Variants in CLCN6 observed in about 807,000 individuals in gnomAD.
The protein encoded by CLCN6 is H(+)/Cl(-) exchange transporter 6.
Under a neutral mutation model 109.8 loss-of-function variants are expected in CLCN6, and 70 were observed. That is an observed-to-expected ratio of 0.64 (90% CI 0.53 to 0.78). The LOEUF (loss-of-function observed/expected upper bound fraction) is 0.78, where lower values mean the gene tolerates loss of function less well. Among genes scored for constraint, CLCN6 ranks in the 30% least tolerant of loss-of-function variants. CLCN6 has a pLI of 0.00. For missense variants in CLCN6, 984 were observed against 1,142.3 expected (o/e 0.86, Z 2.00); for synonymous variants, 444 against 447.8 (o/e 0.99, Z 0.11).
chr1:11,806,491 G>A lies in CLCN6; in HGVS notation c.87+142G>A, dbSNP rs1002184174. The A allele has an allele frequency of 4.8e-6, 3 of 620,694 alleles. No homozygotes were observed. In the East Asian group the frequency reaches 1.0e-4, roughly 21 times the overall value. 38.4% of individuals were successfully genotyped at this position (620,694 alleles called of 1,614,324 possible). A position where few individuals can be genotyped will look rare whatever the true frequency, so the allele number is the denominator to read the frequency against. The stretch of plus-strand genomic sequence containing the variant: ...GGGGACCGCAGCCAGGGCTCTCGAA[G>A]CGTCTACCCTGCTTCACGTGCCTAA... On this transcript the variant is annotated intron_variant, in intron 1 of 22. Coordinates refer to ENST00000346436, the MANE Select transcript of CLCN6 (RefSeq NM_001286.5).
chr1:11,822,124 T>C (rs1044921993), intron 5 of CLCN6, among the ~76,000 whole-genome samples: 1 of 152,196 alleles, frequency 6.6e-6, no homozygotes, highest in Non-Finnish European at 1.5e-5. Context: ...TACTGAATGT[T>C]TTCTTTTTTA....
chr1:11,824,460 G>C, intron 7 of CLCN6, 26 bp from the exon 8 acceptor site: 1 of 1,602,614 alleles, frequency 6.2e-7, no homozygotes, highest in Non-Finnish European at 8.5e-7. Context: ...ACTGACTGTT[G>C]GTCTTTCCTT....
rs1442434630 is a variant in CLCN6 at position 11,828,238 on chromosome 1, C to G, written c.954+19C>G. 3.8e-6 allele frequency: 6 copies of G among 1,598,172 alleles called. No individual in the cohort carries two copies. Among genetic ancestry groups the G allele is most frequent in the Non-Finnish European group, 4.3e-6 (5 of 1,166,334 alleles). On this transcript the variant is annotated intron_variant, in intron 11 of 22. Transcript: ENST00000346436. ...GTTTAAGGTATGTTTTGTCCTTTCCCCAAGGATTTTTAATTTGACCCATGA... is the reference window on the plus strand; with the variant it reads ...GTTTAAGGTATGTTTTGTCCTTTCCGCAAGGATTTTTAATTTGACCCATGA...
intron 6 of CLCN6, among the ~76,000 whole-genome samples, chr1:11,823,354 G>A (rs1178268001): frequency 6.6e-6 from 1 of 152,024 alleles, no homozygotes; most frequent in East Asian, 1.9e-4. Flanking sequence ...GCGCATGCCT[G>A]TAATCCCAGC....
chr1:11,818,104 T>TA (rs202071545), intron 4 of CLCN6, among the ~76,000 whole-genome samples: 5,742 of 149,566 alleles, frequency 0.038, 157 homozygotes, highest in Middle Eastern at 0.078. Flanking sequence ...TCCTTAAAAA[T>TA]AAAAAAAAAA....
intron 10 of CLCN6, among the ~76,000 whole-genome samples, chr1:11,827,887 C>G (rs969310937): frequency 1.3e-5 from 2 of 152,204 alleles, no homozygotes; most frequent in Non-Finnish European, 2.9e-5. Flanking sequence ...TAAATAGGCT[C>G]TCATAGTAGA....
At chr1:11,809,110 C>T (rs1243860008) in intron 2 of CLCN6, among the ~76,000 whole-genome samples, 8 of 152,232 alleles carry the variant, frequency 5.3e-5, no homozygotes, top group Non-Finnish European at 2.9e-5. Flanking sequence ...GATACTGCTT[C>T]GGTCTCCCAG....
Position 11,819,593 on chromosome 1 carries a change from T to C in CLCN6, c.346+39T>C, listed in dbSNP as rs202174644. ...GGTTCCTGGTGTTCGTGGACTTCAG[T>C]GGTCACCAAGATTCTTTCTTACATA... On this transcript the variant is annotated intron_variant, in intron 5 of 22. Coordinates refer to ENST00000346436, the MANE Select transcript of CLCN6 (RefSeq NM_001286.5). 6 of 1,564,346 alleles carry C rather than the reference T, an allele frequency of 3.8e-6. No homozygotes were observed. The East Asian group carries it at 1.3e-4, about 35-fold the overall frequency.
intron 2 of CLCN6, among the ~76,000 whole-genome samples, chr1:11,814,236 A>C (rs1033658642): frequency 1.3e-5 from 2 of 148,654 alleles, no homozygotes; most frequent in African/African-American, 4.9e-5. Context: ...TTTGTTGCCA[A>C]ACTGCTGCGT....
intron 13 of CLCN6, among the ~76,000 whole-genome samples, chr1:11,833,106 C>T (rs1366662488): frequency 2.0e-5 from 3 of 151,776 alleles, no homozygotes; most frequent in African/African-American, 7.3e-5. Context: ...CAAGTGGTGC[C>T]CTGGATTTTC....
rs543601106 is a variant in CLCN6, at chr1:11,807,430, A to C, written c.147+240A>C. 9.8e-5 allele frequency among the ~76,000 whole-genome samples: 15 copies of C among 152,302 alleles called. No homozygotes were observed. In the East Asian group the frequency reaches 2.9e-3, roughly 29 times the overall value. On this transcript the variant is annotated intron_variant, in intron 2 of 22. Transcript: ENST00000346436. ...ATCTGTGGCACCTTAACCTGGATAGAGTATGTATTTGCCATTAAACTGTTT... is the reference window on the plus strand; with the variant it reads ...ATCTGTGGCACCTTAACCTGGATAGCGTATGTATTTGCCATTAAACTGTTT...
rs201164690 is a variant in CLCN6 at position 11,835,949 on chromosome 1, C to T, written c.1794-18C>T. The stretch of plus-strand genomic sequence containing the variant: ...CGGGCACTGTCATGAGGCTGGATGA[C>T]TTGCCCTCCTCCCCCAGGCTGAGAG... On this transcript the variant is annotated intron_variant, in intron 17 of 22. Transcript: ENST00000346436. 1.6e-4 allele frequency: 261 copies of T among 1,607,854 alleles called. No homozygotes were observed. The African/African-American group carries it at 2.4e-3, about 15-fold the overall frequency.
chr1:11,811,150 G>T (rs79026848), intron 2 of CLCN6, among the ~76,000 whole-genome samples: 3,873 of 152,174 alleles, frequency 0.025, 151 homozygotes, highest in African/African-American at 0.088. Context: ...GACGGAGGTT[G>T]CAGAGAGCTG....
rs950904603 is a variant in CLCN6 at position 11,834,176 on chromosome 1, T to A, written c.1527-60T>A. The A allele has an allele frequency of 6.3e-7, 1 of 1,594,590 alleles. No homozygotes were observed. The highest frequency in any genetic ancestry group is 1.7e-5 in the Admixed American group (1 of 57,204). ...TAGGCACAAGAGTATGAGCTGTAGGTCCTCCCCACAGCCTATCAGTGTGGT... is the reference window on the plus strand; with the variant it reads ...TAGGCACAAGAGTATGAGCTGTAGGACCTCCCCACAGCCTATCAGTGTGGT... On this transcript the variant is annotated intron_variant, in intron 15 of 22. Coordinates refer to ENST00000346436, the MANE Select transcript of CLCN6 (RefSeq NM_001286.5). This position sits in a 1 kb window ranked among gnomAD's most constrained non-coding sequence, Gnocchi z 4.5.
chr1:11,837,535 A>C (rs198406), intron 20 of CLCN6, 36 bp downstream of exon 20: 4 of 1,601,794 alleles, frequency 2.5e-6, no homozygotes, highest in Non-Finnish European at 3.4e-6. Flanking sequence ...GCCAGGCCAG[A>C]CCTGACGAAG....
At chr1:11,830,842 T>TG (rs398102445) in intron 13 of CLCN6, among the ~76,000 whole-genome samples, 4 of 150,292 alleles carry the variant, frequency 2.7e-5, no homozygotes, top group African/African-American at 9.8e-5. Context: ...TCTGTTTGTT[T>TG]TGTTTTTTTA....
intron 5 of CLCN6, chr1:11,820,216 G>A: frequency 1.9e-6 from 1 of 535,676 alleles, no homozygotes; most frequent in Non-Finnish European, 3.4e-6. Flanking sequence ...AGCTACTTAG[G>A]AGGTGAGCCC....
chr1:11,815,789 C>G (rs1419250112), intron 2 of CLCN6, 57 bp from the exon 3 acceptor site: 1 of 1,358,646 alleles, frequency 7.4e-7, no homozygotes, highest in African/African-American at 1.4e-5. Flanking sequence ...GAGGTTTGTC[C>G]CTTTGCAGGT....
Position 11,833,930 on chromosome 1 carries a change from G to T in CLCN6, c.1426G>T (p.Ala476Ser). The change falls in exon 15 of 23, where the codon GCA becomes TCA. Residue 476 changes from alanine (A) to serine (S), a missense_variant. Physicochemically the swap from Ala to Ser is moderately conservative, Grantham distance 99 (BLOSUM62 1). Transcript: ENST00000346436. ...ALFFVLYFLL[A>S]CWTYGISVPS... ...GTTCTTCGTTCTCTATTTCTTGCTT[G>T]CATGTTGGACTTACGGCATTTCTGT... The T allele has an allele frequency of 1.9e-6, 3 of 1,613,932 alleles. No homozygotes were observed. The highest frequency in any genetic ancestry group is 2.5e-6 in the Non-Finnish European group (3 of 1,179,980).
Sources: gnomAD v4.1 joint callset for allele counts (sites outside exome capture counted in the v4.1 genomes callset) on GRCh38, gnomAD v4.1.1 for gene constraint, Gnocchi (gnomAD v3.1) non-coding constraint, MANE v1.5 for transcripts, NCBI Gene and HGNC (gene_info 2026-07-23, HGNC 2026-07-21) for gene names.